HAPLN4: variants seen among roughly 807,000 people sequenced by gnomAD.
HAPLN4 encodes hyaluronan and proteoglycan link protein 4, also known as brain link protein 2.
A neutral mutation model predicts 28.0 loss-of-function variants in HAPLN4; 19 were observed. The observed-to-expected ratio is 0.68, with a 90% confidence interval of 0.47 to 1.00. HAPLN4 has a LOEUF of 1.00. Among genes scored for constraint, HAPLN4 ranks in the 50% least tolerant of loss-of-function variants. The pLI, the probability that HAPLN4 is intolerant of heterozygous loss-of-function variation, is 0.00. For missense variants in HAPLN4, 587 were observed against 602.6 expected, an observed-to-expected ratio of 0.97 and a Z score of 0.27; for synonymous variants, 274 against 273.0, an observed-to-expected ratio of 1.00 and a Z score of -0.03.
In HAPLN4 at chr19:19,255,503, C is replaced by G. The variant is rs773388766; in HGVS notation, c.*2314G>C. The G allele has an allele frequency of 6.6e-6, 1 of 152,104 alleles. No homozygotes were observed. The highest frequency in any genetic ancestry group is 2.4e-5 in the African/African-American group (1 of 41,374). 9.4% of individuals were successfully genotyped at this position (152,104 alleles called of 1,614,324 possible). On this transcript the variant is annotated 3_prime_UTR_variant, in exon 5 of 5. Transcript: ENST00000291481. ...GAGGTTGCAGTGAGCCAAGATTGCA[C>G]GACTGCACTCCAGCCTGGGCGACAG...
At chr19:19,260,198 T>C (rs2060978425) in intron 3 of HAPLN4, among the ~76,000 whole-genome samples, 1 of 152,106 alleles carries the variant, frequency 6.6e-6, no homozygotes, top group South Asian at 2.1e-4. Context: ...GGATCACTTT[T>C]ATTTTATTTT....
In HAPLN4 at chr19:19,261,009, G is replaced by A. The variant is rs757356807; in HGVS notation, c.288C>T (p.Thr96=). 1.9e-6 allele frequency: 3 copies of A among 1,613,698 alleles called. No individual in the cohort carries two copies. Among genetic ancestry groups the A allele is most frequent in the South Asian group, 1.1e-5 (1 of 91,078 alleles). ...GGGGGCCTAGTGCCACGAAGACGTCGGTGAAGGCCAGCGGGTCCACCACCT... is the reference window on the plus strand; with the variant it reads ...GGGGGCCTAGTGCCACGAAGACGTCAGTGAAGGCCAGCGGGTCCACCACCT... ...WTKVVDPLAF[T]DVFVALGPQH... is the part of the protein sequence containing the mutation. The change falls in exon 3 of 5, where the codon ACC becomes ACT. Residue 96 remains threonine, a synonymous_variant. Transcript: ENST00000291481.
intron 1 of HAPLN4, 64 bp from the exon 2 acceptor site, chr19:19,261,627 C>T: frequency 9.3e-7 from 1 of 1,080,564 alleles, no homozygotes; most frequent in South Asian, 1.7e-5. Flanking sequence ...AGGCCTGGCT[C>T]CCTCCCGGGC....
In HAPLN4 at chr19:19,258,666, C is replaced by T. The variant is rs1325986748; in HGVS notation, c.674G>A (p.Arg225Gln). The T allele has an allele frequency of 1.9e-6, 3 of 1,610,112 alleles. No homozygotes were observed. Among genetic ancestry groups the T allele is most frequent in the East Asian group, 4.5e-5 (2 of 44,808 alleles). Residue 225 changes from arginine (R) to glutamine (Q), a missense_variant, in exon 4 of 5, where the codon CGG (arginine) becomes CAG (glutamine). Coordinates refer to ENST00000291481, the MANE Select transcript of HAPLN4 (RefSeq NM_023002.3). The surrounding 1 kb of genome is among the most constrained non-coding windows in gnomAD (Gnocchi z 6.2). ...RDGSVQYPVN[R>Q]PREPCGGLGG... ...CAGGCCGCCGCAGGGCTCCCGGGGC[C>T]GGTTCACGGGGTATTGCACTGAGCC...
Position 19,258,384 on chromosome 19 carries a change from C to T in HAPLN4, c.817+139G>A. The T allele has an allele frequency of 9.1e-7, 1 of 1,104,332 alleles. No homozygotes were observed. The highest frequency in any genetic ancestry group is 1.3e-6 in the Non-Finnish European group (1 of 779,776). The allele number at this position is 1,104,332 out of a possible 1,614,324, so 68.4% of individuals were successfully genotyped here. On this transcript the variant is annotated intron_variant, in intron 4 of 4. Transcript: ENST00000291481. The surrounding 1 kb of genome is among the most constrained non-coding windows in gnomAD (Gnocchi z 6.2). Reference sequence around the variant, plus strand: ...GCCTAGGCCCAACCAGCGTTGGTACCAGGCGGTGTGTGCTGCGCCTAGGCA... The same window carrying T: ...GCCTAGGCCCAACCAGCGTTGGTACTAGGCGGTGTGTGCTGCGCCTAGGCA...
rs544497899 is a variant in HAPLN4, at chr19:19,256,527, G to C, written c.*1290C>G. 6.5e-6 allele frequency: 1 copy of C among 152,766 alleles called. No homozygotes were observed. The highest frequency in any genetic ancestry group is 2.1e-4 in the South Asian group (1 of 4,824). The allele number at this position is 152,766 out of a possible 1,614,324, so 9.5% of individuals were successfully genotyped here. On this transcript the variant is annotated 3_prime_UTR_variant, in exon 5 of 5. Coordinates refer to ENST00000291481, the MANE Select transcript of HAPLN4 (RefSeq NM_023002.3). ...CCCGTTGTCCACAAGGAAAAGCCTA[G>C]GGGGACAGGTGTTCTGTTACCTCGG...
At chr19:19,260,787 G>GT (rs2060980025) in intron 3 of HAPLN4, 26 bp downstream of exon 3, 2 of 1,594,712 alleles carry the variant, frequency 1.3e-6, no homozygotes, top group Non-Finnish European at 1.7e-6. Context: ...CAGAAGCAAG[G>GT]TTTATCCTCC....
chr19:19,259,690 G>A (rs1026222593), intron 3 of HAPLN4, among the ~76,000 whole-genome samples: 1 of 152,104 alleles, frequency 6.6e-6, no homozygotes, highest in African/African-American at 2.4e-5. Flanking sequence ...CTTCAACTAA[G>A]CACCTGCCAC....
At chr19:19,261,587 C>T in intron 1 of HAPLN4, 24 bp from the exon 2 acceptor site, 1 of 1,420,214 alleles carries the variant, frequency 7.0e-7, no homozygotes, top group Non-Finnish European at 9.2e-7. Context: ...ACGGGGCGCT[C>T]AGTCCAGCCT....
rs1366191670 is a variant in HAPLN4 at position 19,257,535 on chromosome 19, C to T, written c.*282G>A. Reference sequence around the variant, plus strand: ...TCAGGAGCCTGCGGGTTCTGCTGGCCTCCTGAGGTCCTCAGGGGGCGTGAC... The same window carrying T: ...TCAGGAGCCTGCGGGTTCTGCTGGCTTCCTGAGGTCCTCAGGGGGCGTGAC... On this transcript the variant is annotated 3_prime_UTR_variant, in exon 5 of 5. Transcript: ENST00000291481. 5.8e-6 allele frequency: 2 copies of T among 346,682 alleles called. No homozygotes were observed. The highest frequency in any genetic ancestry group is 1.0e-5 in the Non-Finnish European group (2 of 194,322). The allele number at this position is 346,682 out of a possible 1,614,324, so 21.5% of individuals were successfully genotyped here.
In HAPLN4 at chr19:19,258,051, A is replaced by G. The variant is rs1475100434; in HGVS notation, c.975T>C (p.Asp325=). 5 of 1,550,370 alleles carry G rather than the reference A, an allele frequency of 3.2e-6. No individual in the cohort carries two copies. The Admixed American group carries it at 7.4e-5, about 23-fold the overall frequency. Residue 325 remains aspartate (D), a synonymous_variant, in exon 5 of 5, where the codon GAT becomes GAC. Transcript: ENST00000291481. This position sits in a 1 kb window ranked among gnomAD's most constrained non-coding sequence, Gnocchi z 6.2. ...LDRCTAGWLA[D]GSARYPIVNP... ...TCACGATGGGGTAGCGCGCACTGCC[A>G]TCGGCCAGCCAACCCGCGGTGCAGC... is the stretch of plus-strand genomic sequence containing the variant.
rs1228131816 is a variant in HAPLN4, at chr19:19,261,536, C to T, written c.31G>A (p.Gly11Ser). Residue 11 changes from glycine to serine, a missense_variant, in exon 2 of 5, where the codon GGC becomes AGC. Physicochemically the swap from Gly to Ser is moderately conservative, Grantham distance 56. Transcript: ENST00000291481. MVCARAALGP[G>S]ALWAAAWGVL... is the part of the protein sequence containing the mutation. ...CCCCAGGCCGCGGCCCAGAGCGCGC[C>T]GGGACCGAGGGCCGCCCGAGCGCAC... 6 of 1,591,826 alleles carry T rather than the reference C, an allele frequency of 3.8e-6. No homozygotes were observed. The highest frequency in any genetic ancestry group is 3.5e-5 in the Admixed American group (2 of 56,686).
In HAPLN4 at chr19:19,262,768, C is replaced by G. The variant is rs766116011; in HGVS notation, c.-36G>C. On this transcript the variant is annotated 5_prime_UTR_variant, in exon 1 of 5. Transcript: ENST00000291481. ...CGGCCCCCGCCGAGCGGCCCCTACG[C>G]ACCCGGACTGCGCTCCCCGCACACC... 1.2e-6 allele frequency: 2 copies of G among 1,606,512 alleles called. No individual in the cohort carries two copies. The highest frequency in any genetic ancestry group is 1.7e-6 in the Non-Finnish European group (2 of 1,176,286).
chr19:19,262,672 T>C (rs956720277), intron 1 of HAPLN4, 58 bp downstream of exon 1: 65 of 1,588,312 alleles, frequency 4.1e-5, no homozygotes, highest in Non-Finnish European at 5.4e-5. Flanking sequence ...CAGAGAGATA[T>C]AGAATCCAAG....
Position 19,258,188 on chromosome 19 carries a change from G to T in HAPLN4, c.838C>A (p.Pro280Thr). 6.6e-7 allele frequency: 1 copy of T among 1,508,960 alleles called. No individual in the cohort carries two copies. Among genetic ancestry groups the T allele is most frequent in the Non-Finnish European group, 8.8e-7 (1 of 1,131,104 alleles). 93.5% of individuals were successfully genotyped at this position (1,508,960 alleles called of 1,614,324 possible). The change falls in exon 5 of 5, where the codon CCG becomes ACG. Residue 280 changes from proline to threonine, a missense_variant. Coordinates refer to ENST00000291481, the MANE Select transcript of HAPLN4 (RefSeq NM_023002.3). This position sits in a 1 kb window ranked among gnomAD's most constrained non-coding sequence, Gnocchi z 6.2. ...CCGGAGAAGGGTACAGGTCGCAGCG[G>T]CTTCAGGAAGAACACGCGCCCTGCG... ...NLPGRVFFLK[P>T]LRPVPFSGAA...
At position 19,258,032 on chromosome 19, in the gene HAPLN4, T is replaced by TG; in HGVS notation, c.993dup (p.Ile332HisfsTer76). 1 of 1,533,476 alleles carries TG rather than the reference T, an allele frequency of 6.5e-7. No homozygotes were observed. The highest frequency in any genetic ancestry group is 8.7e-7 in the Non-Finnish European group (1 of 1,145,730). The allele number at this position is 1,533,476 out of a possible 1,614,324, so 95.0% of individuals were successfully genotyped here. A position where few individuals can be genotyped will look rare whatever the true frequency, so the allele number is the denominator to read the frequency against. ...CCGCAGCGCGCTCGCGGGTTCACGATGGGGTAGCGCGCACTGCCATCGGCC... is the reference window on the plus strand; with the variant it reads ...CCGCAGCGCGCTCGCGGGTTCACGATGGGGGTAGCGCGCACTGCCATCGGCC... On this transcript the variant is annotated frameshift_variant, in exon 5 of 5. Transcript: ENST00000291481. LOFTEE classifies it low-confidence loss of function (END_TRUNC). This position sits in a 1 kb window ranked among gnomAD's most constrained non-coding sequence, Gnocchi z 6.2.
In HAPLN4 at chr19:19,261,149, G is replaced by GTACCAC. The variant is rs973719831; in HGVS notation, c.142_147dup (p.Val48_Val49dup). On this transcript the variant is annotated inframe_insertion, in exon 3 of 5. Coordinates refer to ENST00000291481, the MANE Select transcript of HAPLN4 (RefSeq NM_023002.3). The stretch of plus-strand genomic sequence containing the variant: ...CTTACCACCTGCCCAGGCGCTGTCT[G>GTACCAC]TACCACTACCGAGCCCGACTCACCC... 6.2e-6 allele frequency: 10 copies of GTACCAC among 1,603,384 alleles called. No homozygotes were observed. The highest frequency in any genetic ancestry group is 8.5e-6 in the Non-Finnish European group (10 of 1,173,164).
chr19:19,257,453 G>T lies in HAPLN4; in HGVS notation c.*364C>A, dbSNP rs1190179180. On this transcript the variant is annotated 3_prime_UTR_variant, in exon 5 of 5. Coordinates refer to ENST00000291481, the MANE Select transcript of HAPLN4 (RefSeq NM_023002.3). The stretch of plus-strand genomic sequence containing the variant: ...TCAATCCCGGGGGTCCAGCCACCAG[G>T]CGACCACGGGGGCAGTTGGTCTGTT... The T allele has an allele frequency of 9.2e-6, 2 of 217,490 alleles. No individual in the cohort carries two copies. Among genetic ancestry groups the T allele is most frequent in the Non-Finnish European group, 9.0e-6 (1 of 111,542 alleles). 13.5% of individuals were successfully genotyped at this position (217,490 alleles called of 1,614,324 possible). A position where few individuals can be genotyped will look rare whatever the true frequency, so the allele number is the denominator to read the frequency against.
At chr19:19,262,630 A>G (rs1381201861) in intron 1 of HAPLN4, 100 bp downstream of exon 1, 6 of 1,360,582 alleles carry the variant, frequency 4.4e-6, no homozygotes, top group African/African-American at 2.8e-5. Context: ...AGGAAGAGAC[A>G]GAAGAAACTC....
Sources: gnomAD v4.1 joint callset for allele counts (sites outside exome capture counted in the v4.1 genomes callset) on GRCh38, gnomAD v4.1.1 for gene constraint, Gnocchi (gnomAD v3.1) non-coding constraint, MANE v1.5 for transcripts, NCBI Gene and HGNC (gene_info 2026-07-23, HGNC 2026-07-21) for gene names.